The following GRID1 variants were observed in gnomAD, a reference collection of about 807,000 sequenced individuals.
GRID1 encodes the protein glutamate receptor ionotropic, delta-1.
GRID1 carries 28 observed loss-of-function variants against 98.0 expected under a neutral mutation model. The ratio of observed to expected loss-of-function variants is 0.29; its 90% CI spans 0.21 to 0.39. The LOEUF is 0.39. GRID1 is among the 10% of genes least tolerant of loss of function. The pLI is 1.00. For missense variants in GRID1, 1,111 were observed against 1,340.5 expected, an observed-to-expected ratio of 0.83 and a Z score of 2.67; for synonymous variants, 553 against 538.5, an observed-to-expected ratio of 1.03 and a Z score of -0.37.
intron 4 of GRID1, among the ~76,000 whole-genome samples, chr10:86,040,993 C>T (rs1472875962): frequency 6.6e-6 from 1 of 152,158 alleles, no homozygotes; most frequent in African/African-American, 2.4e-5. Flanking sequence ...CAACTTGGCT[C>T]TCTCTGGGCT....
chr10:85,811,737 G>A (rs1444019869), intron 8 of GRID1, among the ~76,000 whole-genome samples: 1 of 152,086 alleles, frequency 6.6e-6, no homozygotes, highest in Non-Finnish European at 1.5e-5. Flanking sequence ...TTTGCATTAT[G>A]AGCAATCAGA....
chr10:86,111,460 C>T (rs1844482901), intron 4 of GRID1, among the ~76,000 whole-genome samples: 1 of 152,056 alleles, frequency 6.6e-6, no homozygotes, highest in Non-Finnish European at 1.5e-5. Flanking sequence ...TGATTTTGCC[C>T]CAATCACTGA....
intron 4 of GRID1, among the ~76,000 whole-genome samples, chr10:86,075,104 A>G (rs2131924629): frequency 6.8e-6 from 1 of 146,642 alleles, no homozygotes; most frequent in South Asian, 2.3e-4. Flanking sequence ...CTCACCCACC[A>G]TGGTCCCCGC....
At chr10:86,132,705 C>T (rs1454873656) in intron 4 of GRID1, among the ~76,000 whole-genome samples, 2 of 152,184 alleles carry the variant, frequency 1.3e-5, no homozygotes, top group African/African-American at 2.4e-5. Flanking sequence ...TGCTAATTTA[C>T]CTTTGCTATA....
chr10:86,223,689 C>T (rs1272426501), intron 2 of GRID1, among the ~76,000 whole-genome samples: 1 of 152,224 alleles, frequency 6.6e-6, no homozygotes, highest in Non-Finnish European at 1.5e-5. Flanking sequence ...TCCCTCAAGC[C>T]CATGGGAGTG....
At position 86,206,272 on chromosome 10, in the gene GRID1, G is replaced by A. The variant is rs1275819752; in HGVS notation, c.520+92C>T. The stretch of plus-strand genomic sequence containing the variant: ...GGCCCACTCAGCACAGACCACCCCT[G>A]ACCGGTCCAGGGCCCCACCCACTCT... On this transcript the variant is annotated intron_variant, in intron 3 of 15. Transcript: ENST00000327946. This position sits in a 1 kb window ranked among gnomAD's most constrained non-coding sequence, Gnocchi z 4.1. The A allele has an allele frequency of 3.1e-6, 4 of 1,290,654 alleles. No individual in the cohort carries two copies. Among genetic ancestry groups the A allele is most frequent in the Admixed American group, 2.1e-5 (1 of 48,298 alleles). 80.0% of individuals were successfully genotyped at this position (1,290,654 alleles called of 1,614,324 possible). A position where few individuals can be genotyped will look rare whatever the true frequency, so the allele number is the denominator to read the frequency against.
At chr10:86,299,082 T>C (rs1564732468) in intron 2 of GRID1, among the ~76,000 whole-genome samples, 2 of 152,108 alleles carry the variant, frequency 1.3e-5, no homozygotes, top group African/African-American at 2.4e-5. Context: ...CACCTCTACT[T>C]TATAGATGCC....
chr10:86,087,517 T>A (rs1230827826), intron 4 of GRID1, among the ~76,000 whole-genome samples: 2 of 150,774 alleles, frequency 1.3e-5, no homozygotes, highest in East Asian at 4.0e-4. Context: ...TGTCTGTGTG[T>A]GTGTGTGTGT....
intron 12 of GRID1, among the ~76,000 whole-genome samples, chr10:85,672,554 C>A (rs1841098662): frequency 6.6e-6 from 1 of 152,164 alleles, no homozygotes; most frequent in Non-Finnish European, 1.5e-5. Flanking sequence ...GATCTGCCCA[C>A]CTCAGCCTCC....
At chr10:85,844,731 AAAT>A (rs1285936244) in intron 8 of GRID1, among the ~76,000 whole-genome samples, 6 of 152,108 alleles carry the variant, frequency 3.9e-5, no homozygotes, top group Non-Finnish European at 5.9e-5. Context: ...ATATACTATA[AAAT>A]AATAATAACA....
At chr10:85,659,041 G>C (rs190653488) in intron 12 of GRID1, among the ~76,000 whole-genome samples, 13 of 152,298 alleles carry the variant, frequency 8.5e-5, no homozygotes, top group African/African-American at 3.1e-4. Flanking sequence ...GACAATTATG[G>C]GGCTGGAGAA....
intron 12 of GRID1, chr10:85,709,050 C>A: frequency 3.1e-6 from 1 of 322,588 alleles, no homozygotes; most frequent in Non-Finnish European, 6.3e-6. Flanking sequence ...TACTTGGGTG[C>A]TATGATTCAC....
At chr10:85,815,639 A>G (rs1350137200) in intron 8 of GRID1, among the ~76,000 whole-genome samples, 1 of 152,062 alleles carries the variant, frequency 6.6e-6, no homozygotes, top group Admixed American at 6.5e-5. Context: ...AAACATAAAG[A>G]GAAAAATCTT....
chr10:86,286,188 T>C (rs1283313054), intron 2 of GRID1, among the ~76,000 whole-genome samples: 4 of 152,100 alleles, frequency 2.6e-5, no homozygotes, highest in African/African-American at 7.2e-5. Context: ...CATAGGTATA[T>C]AGAAGTGTAG....
chr10:85,897,159 A>G (rs1841304738), intron 5 of GRID1, among the ~76,000 whole-genome samples: 1 of 152,158 alleles, frequency 6.6e-6, no homozygotes. Context: ...TTATTTTATT[A>G]TTATAGAAGG....
At chr10:86,338,894 TTC>T (rs564265455) in intron 2 of GRID1, among the ~76,000 whole-genome samples, 185 of 152,194 alleles carry the variant, frequency 1.2e-3, no homozygotes, top group African/African-American at 4.3e-3. Flanking sequence ...GGGTATTTAA[TTC>T]ACACAAATAC....
chr10:85,652,579 C>G (rs553942372), intron 12 of GRID1, among the ~76,000 whole-genome samples: 1 of 152,112 alleles, frequency 6.6e-6, no homozygotes, highest in African/African-American at 2.4e-5. Context: ...CCTACAGATG[C>G]CTTTACTATC....
chr10:86,285,345 A>G (rs1337803131), intron 2 of GRID1, among the ~76,000 whole-genome samples: 1 of 152,206 alleles, frequency 6.6e-6, no homozygotes, highest in Non-Finnish European at 1.5e-5. Context: ...CATGACACTC[A>G]TGGTGAAGCC....
intron 2 of GRID1, among the ~76,000 whole-genome samples, chr10:86,355,608 T>G (rs946712491): frequency 6.6e-6 from 1 of 152,194 alleles, no homozygotes; most frequent in Non-Finnish European, 1.5e-5. Context: ...CAGACCACTC[T>G]GCCCACACCT....
Sources: gnomAD v4.1 joint callset for allele counts (sites outside exome capture counted in the v4.1 genomes callset) on GRCh38, gnomAD v4.1.1 for gene constraint, Gnocchi (gnomAD v3.1) non-coding constraint, MANE v1.5 for transcripts, NCBI Gene and HGNC (gene_info 2026-07-23, HGNC 2026-07-21) for gene names.